Variants in BTBD7 observed in about 807,000 individuals in gnomAD.
The protein encoded by BTBD7 is BTB domain containing 7, also known as BTB/POZ domain-containing protein 7.
In BTBD7, 38 loss-of-function variants were observed where a neutral mutation model predicts 99.9. The ratio of observed to expected loss-of-function variants is 0.38; its 90% CI spans 0.29 to 0.50. BTBD7 has a LOEUF of 0.50. Among genes scored for constraint, BTBD7 ranks in the 20% least tolerant of loss-of-function variants. The pLI is 0.93. For missense variants in BTBD7, 1,170 were observed against 1,394.6 expected (o/e 0.84, Z 2.57); for synonymous variants, 520 against 511.4 (o/e 1.02, Z -0.23).
Position 93,239,245 on chromosome 14 carries a change from A to G in BTBD7, c.*3028T>C, listed in dbSNP as rs2052193318. The G allele has an allele frequency of 6.6e-6, 1 of 152,602 alleles. No individual in the cohort carries two copies. Among genetic ancestry groups the G allele is most frequent in the Non-Finnish European group, 1.5e-5 (1 of 68,034 alleles). 9.5% of individuals were successfully genotyped at this position (152,602 alleles called of 1,614,324 possible). A position where few individuals can be genotyped will look rare whatever the true frequency, so the allele number is the denominator to read the frequency against. ...ACCAACAGCATCTTTAAGAAACTTG[A>G]ACGTCCTCTCGGCTCTAGCGTGTAA... On this transcript the variant is annotated 3_prime_UTR_variant, in exon 11 of 11. Transcript: ENST00000334746.
chr14:93,300,254 G>GTTTTTTTT, intron 1 of BTBD7, among the ~76,000 whole-genome samples: 1 of 136,946 alleles, frequency 7.3e-6, no homozygotes, highest in African/African-American at 2.6e-5. Flanking sequence ...TTCTTTCTTT[G>GTTTTTTTT]TTCTTTTTTT....
At chr14:93,302,805 A>G (rs2053020641) in intron 1 of BTBD7, among the ~76,000 whole-genome samples, 1 of 152,140 alleles carries the variant, frequency 6.6e-6, no homozygotes, top group Non-Finnish European at 1.5e-5. Context: ...AGATCACATC[A>G]CTGTACTCCG....
intron 6 of BTBD7, chr14:93,255,857 A>T (rs1307687526): frequency 1.3e-5 from 2 of 152,230 alleles, no homozygotes; most frequent in African/African-American, 4.8e-5. Context: ...TAGTGGTACT[A>T]TAACTACTAC....
chr14:93,316,254 C>CTTTT (rs71129627), intron 1 of BTBD7, among the ~76,000 whole-genome samples: 41,958 of 146,340 alleles, frequency 0.29, 5,895 homozygotes, highest in South Asian at 0.32. Context: ...CATGCCCAGT[C>CTTTT]TTTTTTTTTT....
At position 93,240,128 on chromosome 14, in the gene BTBD7, A is replaced by T. The variant is rs926774542; in HGVS notation, c.*2145T>A. On this transcript the variant is annotated 3_prime_UTR_variant, in exon 11 of 11. Transcript: ENST00000334746. ...AGAGGCCTATGCTTTTCTCTTTAAAAAAGGAGCCTCGAATGCGATGCACAG... is the reference window on the plus strand; with the variant it reads ...AGAGGCCTATGCTTTTCTCTTTAAATAAGGAGCCTCGAATGCGATGCACAG... The T allele has an allele frequency of 6.6e-6, 1 of 152,342 alleles. No homozygotes were observed. Among genetic ancestry groups the T allele is most frequent in the African/African-American group, 2.4e-5 (1 of 41,454 alleles). 9.4% of individuals were successfully genotyped at this position (152,342 alleles called of 1,614,324 possible).
At chr14:93,303,394 A>G (rs1289286002) in intron 1 of BTBD7, among the ~76,000 whole-genome samples, 2 of 152,044 alleles carry the variant, frequency 1.3e-5, no homozygotes, top group African/African-American at 2.4e-5. Flanking sequence ...GCTTGAGCTC[A>G]GGAGTTCGAG....
At chr14:93,262,796 T>TTTTTTTTTTTTTTTTTG (rs2052504171) in intron 4 of BTBD7, among the ~76,000 whole-genome samples, 1 of 151,024 alleles carries the variant, frequency 6.6e-6, no homozygotes. Context: ...TTTTTTTTTT[T>TTTTTTTTTTTTTTTTTG]AATACTTTCT....
At position 93,294,621 on chromosome 14, in the gene BTBD7, A is replaced by G. The variant is rs2052901596; in HGVS notation, c.399T>C (p.Ala133=). Residue 133 remains alanine, a synonymous_variant, in exon 3 of 11, where the codon GCT becomes GCC. Transcript: ENST00000334746. The part of the protein sequence containing the change: ...PEARTLQKDM[A]DLYEYKYCTD... ...TACAATACTTGTACTCATAAAGATC[A>G]GCCATATCTTTCTGCAATGTCCGGG... 1.2e-6 allele frequency: 2 copies of G among 1,613,982 alleles called. No individual in the cohort carries two copies. The highest frequency in any genetic ancestry group is 1.1e-5 in the South Asian group (1 of 91,090).
chr14:93,255,473 G>A (rs1177758634), intron 6 of BTBD7: 1 of 151,888 alleles, frequency 6.6e-6, no homozygotes, highest in Non-Finnish European at 1.5e-5. Flanking sequence ...TTGAATTTAA[G>A]AATACATAAA....
intron 9 of BTBD7, among the ~76,000 whole-genome samples, chr14:93,246,522 C>T (rs1391070345): frequency 6.6e-6 from 1 of 152,240 alleles, no homozygotes; most frequent in East Asian, 1.9e-4. Context: ...TGATCGAATG[C>T]TCCTCAAGCA....
chr14:93,292,388 A>C (rs1363987933), intron 3 of BTBD7, among the ~76,000 whole-genome samples: 2 of 152,156 alleles, frequency 1.3e-5, no homozygotes, highest in African/African-American at 4.8e-5. Flanking sequence ...TAGTAGCTTA[A>C]ACTGCTACTC....
intron 6 of BTBD7, among the ~76,000 whole-genome samples, chr14:93,254,395 A>AT (rs1011016959): frequency 1.3e-5 from 2 of 151,974 alleles, no homozygotes; most frequent in Admixed American, 6.6e-5. Flanking sequence ...ATGAAAACCA[A>AT]TTTTTTTTCT....
chr14:93,308,766 G>GATTC (rs1459727506), intron 1 of BTBD7, among the ~76,000 whole-genome samples: 2 of 152,222 alleles, frequency 1.3e-5, no homozygotes, highest in Non-Finnish European at 2.9e-5. Context: ...GACGAATATG[G>GATTC]ATTCCACTTA....
chr14:93,330,933 T>G (rs79658729), intron 1 of BTBD7, among the ~76,000 whole-genome samples: 1 of 152,094 alleles, frequency 6.6e-6, no homozygotes. Context: ...AATGCTGGTG[T>G]TGGGACACAA....
Position 93,242,482 on chromosome 14 carries a change from A to C in BTBD7, c.3190T>G (p.Leu1064Val), listed in dbSNP as rs2052243438. 6.2e-7 allele frequency: 1 copy of C among 1,614,246 alleles called. No homozygotes were observed. The highest frequency in any genetic ancestry group is 8.5e-7 in the Non-Finnish European group (1 of 1,180,044). ...CTGTTAGGAGTCAGCCCAAAAGTCAAGTCAGTTTCTACTGCAGTTCGTCCC... is the reference window on the plus strand; with the variant it reads ...CTGTTAGGAGTCAGCCCAAAAGTCACGTCAGTTTCTACTGCAGTTCGTCCC... ...VRGRTAVETD[L>V]TFGLTPNRPS... Residue 1064 changes from leucine to valine, a missense_variant, in exon 11 of 11, where the codon TTG becomes GTG. Leu to Val is a conservative substitution (Grantham distance 32). Coordinates refer to ENST00000334746, the MANE Select transcript of BTBD7 (RefSeq NM_001002860.4).
rs1566829180 is a variant in BTBD7 at position 93,237,897 on chromosome 14, T to C, written c.*4376A>G. On this transcript the variant is annotated 3_prime_UTR_variant, in exon 11 of 11. Coordinates refer to ENST00000334746, the MANE Select transcript of BTBD7 (RefSeq NM_001002860.4). ...CTTTAGCATTGAAGGCACTTGACTT[T>C]ATACCAGTAACAGCACAACCACAAG... 6.6e-6 allele frequency: 1 copy of C among 152,640 alleles called. No individual in the cohort carries two copies. The highest frequency in any genetic ancestry group is 1.5e-5 in the Non-Finnish European group (1 of 68,034). 9.5% of individuals were successfully genotyped at this position (152,640 alleles called of 1,614,324 possible).
At chr14:93,243,533 C>CA (rs2052264764) in intron 10 of BTBD7, among the ~76,000 whole-genome samples, 1 of 152,056 alleles carries the variant, frequency 6.6e-6, no homozygotes, top group African/African-American at 2.4e-5. Flanking sequence ...GCTATAAAGG[C>CA]AAAAAAATCA....
chr14:93,297,853 T>C (rs185034092), intron 1 of BTBD7, among the ~76,000 whole-genome samples: 1 of 151,844 alleles, frequency 6.6e-6, no homozygotes, highest in Admixed American at 6.6e-5. Context: ...TAAACAAAAA[T>C]CCAGAATAAA....
chr14:93,239,299 C>G lies in BTBD7; in HGVS notation c.*2974G>C, dbSNP rs141698132. The G allele has an allele frequency of 6.6e-6, 1 of 152,546 alleles. No individual in the cohort carries two copies. The highest frequency in any genetic ancestry group is 1.9e-4 in the East Asian group (1 of 5,194). The allele number at this position is 152,546 out of a possible 1,614,324, so 9.4% of individuals were successfully genotyped here. A position where few individuals can be genotyped will look rare whatever the true frequency, so the allele number is the denominator to read the frequency against. ...GTAGGTCTCTAACCTCAACGCACAGCGGGCACTGGAAGCGGTGATTGTCCA... is the reference window on the plus strand; with the variant it reads ...GTAGGTCTCTAACCTCAACGCACAGGGGGCACTGGAAGCGGTGATTGTCCA... On this transcript the variant is annotated 3_prime_UTR_variant, in exon 11 of 11. Coordinates refer to ENST00000334746, the MANE Select transcript of BTBD7 (RefSeq NM_001002860.4).
Sources: gnomAD v4.1 joint callset for allele counts (sites outside exome capture counted in the v4.1 genomes callset) on GRCh38, gnomAD v4.1.1 for gene constraint, MANE v1.5 for transcripts, NCBI Gene and HGNC (gene_info 2026-07-23, HGNC 2026-07-21) for gene names.